Variants in SP140L observed in about 807,000 individuals in gnomAD.
SP140L encodes SP140 like nuclear body protein, also known as nuclear body protein SP140-like protein.
Under a neutral mutation model 84.3 loss-of-function variants are expected in SP140L, and 64 were observed. That is an observed-to-expected ratio of 0.76 (90% confidence interval 0.62 to 0.94). The LOEUF (loss-of-function observed/expected upper bound fraction) is 0.94, where lower values mean the gene tolerates loss of function less well. Among genes scored for constraint, SP140L ranks in the 40% least tolerant of loss-of-function variants. SP140L has a pLI of 0.00. For synonymous variants in SP140L, 242 were observed against 236.9 expected, an observed-to-expected ratio of 1.02 and a Z score of -0.20; for missense variants, 628 against 692.5, an observed-to-expected ratio of 0.91 and a Z score of 1.05.
Position 230,400,979 on chromosome 2 carries a change from C to T in SP140L, c.1338C>T (p.Cys446=), listed in dbSNP as rs747336290. The T allele has an allele frequency of 5.9e-6, 9 of 1,537,464 alleles. No individual in the cohort carries two copies. The highest frequency in any genetic ancestry group is 3.5e-6 in the Non-Finnish European group (4 of 1,129,538). ...GGACCCCGTGGAATTGCATCTTCTGCAGGATGAAGGAGTCTCCGGGAAGCC... is the reference window on the plus strand; with the variant it reads ...GGACCCCGTGGAATTGCATCTTCTGTAGGATGAAGGAGTCTCCGGGAAGCC... ...SEKTPWNCIF[C]RMKESPGSQQ... The change falls in exon 16 of 19, where the codon TGC becomes TGT. Residue 446 remains cysteine, a synonymous_variant. Coordinates refer to ENST00000415673, the MANE Select transcript of SP140L (RefSeq NM_138402.6).
At chr2:230,373,253 T>C (rs1374670666) in intron 7 of SP140L, among the ~76,000 whole-genome samples, 2 of 152,246 alleles carry the variant, frequency 1.3e-5, no homozygotes, top group African/African-American at 4.8e-5. Context: ...TTGGCAACAC[T>C]AAACAACAGA....
rs149825815 is a variant in SP140L at position 230,345,423 on chromosome 2, C to G, written c.108-12382C>G. Among the ~76,000 whole-genome samples the G allele has an allele frequency of 2.4e-3, 363 of 152,272 alleles. 2 individuals carry two copies. Among genetic ancestry groups the G allele is most frequent in the South Asian group, 0.011 (54 of 4,822 alleles). The stretch of plus-strand genomic sequence containing the variant: ...ACCATGAGTCTCTTACATGCAGCAA[C>G]TTGTTGGATCTTGTGGGGTTTTCAT... On this transcript the variant is annotated intron_variant, in intron 2 of 18. Coordinates refer to ENST00000415673, the MANE Select transcript of SP140L (RefSeq NM_138402.6).
At chr2:230,334,498 TTATC>T (rs2059812322) in intron 2 of SP140L, among the ~76,000 whole-genome samples, 1 of 152,230 alleles carries the variant, frequency 6.6e-6, no homozygotes, top group African/African-American at 2.4e-5. Flanking sequence ...CATAGATCGA[TTATC>T]TAATGTGATT....
Position 230,393,399 on chromosome 2 carries a change from CT to C in SP140L, c.1108-10del. On this transcript the variant is annotated splice_polypyrimidine_tract_variant and intron_variant, in intron 12 of 18. Transcript: ENST00000415673. ...ACGCAGGCTGACTATGTACCTTGGT[CT>C]TTTTATCTTTCAGGAAGGATCTCTA... The C allele has an allele frequency of 6.3e-7, 1 of 1,579,564 alleles. No homozygotes were observed. Among genetic ancestry groups the C allele is most frequent in the Admixed American group, 1.8e-5 (1 of 54,222 alleles).
At chr2:230,399,131 T>A (rs1442564389) in intron 14 of SP140L, among the ~76,000 whole-genome samples, 1 of 152,228 alleles carries the variant, frequency 6.6e-6, no homozygotes, top group Non-Finnish European at 1.5e-5. Context: ...ACAGACCGGT[T>A]CTTTGTCATG....
intron 8 of SP140L, 129 bp downstream of exon 8, chr2:230,383,704 C>G: frequency 1.2e-6 from 1 of 837,390 alleles, no homozygotes. Flanking sequence ...AGGATGTAGA[C>G]CAACAGGCTG....
intron 2 of SP140L, among the ~76,000 whole-genome samples, chr2:230,332,336 G>A (rs2059747624): frequency 6.6e-6 from 1 of 152,142 alleles, no homozygotes; most frequent in Non-Finnish European, 1.5e-5. Context: ...CCCAGTCGTC[G>A]TCCAGTTTCC....
At chr2:230,339,474 G>T (rs1237472574) in intron 2 of SP140L, among the ~76,000 whole-genome samples, 3,363 of 151,418 alleles carry the variant, frequency 0.022, 46 homozygotes, top group African/African-American at 0.077. Flanking sequence ...TTTTTGAAGG[G>T]TTTTTTGTGT....
chr2:230,388,509 T>C (rs2061677971), intron 9 of SP140L, 50 bp from the exon 10 acceptor site: 1 of 1,497,806 alleles, frequency 6.7e-7, no homozygotes, highest in South Asian at 1.2e-5. Flanking sequence ...GCAATATATG[T>C]AACACAGCTG....
intron 7 of SP140L, among the ~76,000 whole-genome samples, chr2:230,380,383 A>AT (rs1359858264): frequency 5.3e-5 from 8 of 152,074 alleles, no homozygotes; most frequent in Admixed American, 2.0e-4. Context: ...CCATATATAC[A>AT]TTTTTTTATC....
chr2:230,381,505 A>G (rs2061404119), intron 7 of SP140L, among the ~76,000 whole-genome samples: 1 of 152,010 alleles, frequency 6.6e-6, no homozygotes, highest in Admixed American at 6.6e-5. Flanking sequence ...CCCATCAGCC[A>G]CTCTGATTAA....
chr2:230,328,740 C>T lies in SP140L; in HGVS notation c.33-17C>T. 6.2e-7 allele frequency: 1 copy of T among 1,609,722 alleles called. No homozygotes were observed. The highest frequency in any genetic ancestry group is 8.5e-7 in the Non-Finnish European group (1 of 1,177,924). ...GTTATTTACTTGTTTATAGATCCTGCCAAATTGTCTTTTTAGGGGGCTGAA... is the reference window on the plus strand; with the variant it reads ...GTTATTTACTTGTTTATAGATCCTGTCAAATTGTCTTTTTAGGGGGCTGAA... On this transcript the variant is annotated splice_polypyrimidine_tract_variant and intron_variant, in intron 1 of 18. Transcript: ENST00000415673.
At chr2:230,377,916 C>T (rs1355164528) in intron 7 of SP140L, among the ~76,000 whole-genome samples, 1 of 151,978 alleles carries the variant, frequency 6.6e-6, no homozygotes, top group Non-Finnish European at 1.5e-5. Flanking sequence ...ACTCAAGAAC[C>T]TATGTTTTCT....
chr2:230,393,383 G>A, intron 12 of SP140L, 31 bp from the exon 13 acceptor site: 1 of 1,569,880 alleles, frequency 6.4e-7, no homozygotes, highest in Admixed American at 1.9e-5. Context: ...AACGCAGGCT[G>A]ACTATGTACC....
intron 9 of SP140L, among the ~76,000 whole-genome samples, chr2:230,386,428 C>T (rs2061583973): frequency 6.6e-6 from 1 of 152,180 alleles, no homozygotes; most frequent in Non-Finnish European, 1.5e-5. Flanking sequence ...ATTGAAAACT[C>T]TGTCACACTT....
chr2:230,396,753 A>G lies in SP140L; in HGVS notation c.1156-4A>G, dbSNP rs533520705. The stretch of plus-strand genomic sequence containing the variant: ...ATAAATCAATCTTTCTGTTTTTTCA[A>G]CAGAGAATACTGAAGTCTCAAAACA... On this transcript the variant is annotated splice_polypyrimidine_tract_variant and splice_region_variant and intron_variant, in intron 13 of 18. Transcript: ENST00000415673. 6 of 1,613,578 alleles carry G rather than the reference A, an allele frequency of 3.7e-6. No individual in the cohort carries two copies. In the African/African-American group the frequency reaches 6.7e-5, roughly 18 times the overall value.
At position 230,393,575 on chromosome 2, in the gene SP140L, C is replaced by T. The variant is rs897761007; in HGVS notation, c.1155+114C>T. The T allele has an allele frequency of 9.0e-6, 11 of 1,222,052 alleles. No homozygotes were observed. In the African/African-American group the frequency reaches 1.6e-4, roughly 18 times the overall value. 75.7% of individuals were successfully genotyped at this position (1,222,052 alleles called of 1,614,324 possible). A position where few individuals can be genotyped will look rare whatever the true frequency, so the allele number is the denominator to read the frequency against. ...AACTATAATTAAGCTTTCACCTTCT[C>T]CACTTCCCACATATAAATTTTTTTA... On this transcript the variant is annotated intron_variant, in intron 13 of 18. Transcript: ENST00000415673.
chr2:230,335,491 C>T (rs371653405), intron 2 of SP140L, among the ~76,000 whole-genome samples: 6 of 152,138 alleles, frequency 3.9e-5, no homozygotes, highest in Non-Finnish European at 4.4e-5. Context: ...CTCAGTGGAA[C>T]GAGTTGGGGA....
chr2:230,398,376 T>G (rs1266499072), intron 14 of SP140L, among the ~76,000 whole-genome samples: 1 of 152,184 alleles, frequency 6.6e-6, no homozygotes, highest in East Asian at 1.9e-4. Context: ...ATCAAATCTC[T>G]TCTTGAAAAG....
Sources: gnomAD v4.1 joint callset for allele counts (sites outside exome capture counted in the v4.1 genomes callset) on GRCh38, gnomAD v4.1.1 for gene constraint, MANE v1.5 for transcripts, NCBI Gene and HGNC (gene_info 2026-07-23, HGNC 2026-07-21) for gene names.